ATAD2: variants seen among roughly 807,000 people sequenced by gnomAD.
The protein encoded by ATAD2 is ATPase family AAA domain containing 2.
A neutral mutation model predicts 168.9 loss-of-function variants in ATAD2; 62 were observed. The ratio of observed to expected loss-of-function variants is 0.37; its 90% CI spans 0.30 to 0.45. The LOEUF is 0.45. Among genes scored for constraint, ATAD2 ranks in the 20% least tolerant of loss-of-function variants. The pLI is 1.00. For synonymous variants in ATAD2, 613 were observed against 571.6 expected, an observed-to-expected ratio of 1.07 and a Z score of -1.03; for missense variants, 1,419 against 1,667.8, an observed-to-expected ratio of 0.85 and a Z score of 2.60.
In ATAD2 at chr8:123,337,691, A is replaced by G. The variant is rs771739667; in HGVS notation, c.2985T>C (p.Asn995=). The G allele has an allele frequency of 4.3e-6, 7 of 1,613,824 alleles. No individual in the cohort carries two copies. The Admixed American group carries it at 1.2e-4, about 27-fold the overall frequency. Residue 995 remains asparagine (N), a synonymous_variant, in exon 21 of 28, where the codon AAT becomes AAC. Transcript: ENST00000287394. ...TGTCAATAGCAAGCCTATGTGTAAC[A>G]TTTCTTAAGAAAATCCTCAGTTCTC... The part of the protein sequence containing the change: ...TFRELRIFLR[N]VTHRLAIDKR...
intron 1 of ATAD2, among the ~76,000 whole-genome samples, chr8:123,384,686 C>A (rs1829595038): frequency 6.6e-6 from 1 of 152,214 alleles, no homozygotes; most frequent in African/African-American, 2.4e-5. Context: ...TCCACAGACA[C>A]ATGAACTAAT....
intron 24 of ATAD2, among the ~76,000 whole-genome samples, chr8:123,329,977 G>GTTTTTTTTTTT (rs1827730177): frequency 1.0e-5 from 1 of 100,238 alleles, no homozygotes; most frequent in African/African-American, 3.9e-5. Context: ...CTCCCCAGTG[G>GTTTTTTTTTTT]CTTCTTTTTT....
chr8:123,347,222 C>G lies in ATAD2; in HGVS notation c.2082G>C (p.Val694=). ...TGGACAGTGCCTGCCCAGGTGATGT[C>G]ACAGCTCTTTGGGAGGCTGGTATCA... ...QKMIPASQRA[V]TSPGQALSTV... Residue 694 remains valine, a synonymous_variant, in exon 16 of 28, where the codon GTG becomes GTC. Transcript: ENST00000287394. The G allele has an allele frequency of 1.7e-5, 28 of 1,614,148 alleles. No individual in the cohort carries two copies. Among genetic ancestry groups the G allele is most frequent in the Non-Finnish European group, 2.4e-5 (28 of 1,180,030 alleles).
Position 123,339,460 on chromosome 8 carries a change from A to G in ATAD2, c.2719-14T>C, listed in dbSNP as rs1319329528. The G allele has an allele frequency of 1.9e-6, 3 of 1,554,358 alleles. No homozygotes were observed. In the African/African-American group the frequency reaches 4.1e-5, roughly 21 times the overall value. ...CAATTCTTGCACCTTAAAAAAGAAA[A>G]TAAATGCAATATATATCATATATAC... On this transcript the variant is annotated splice_polypyrimidine_tract_variant and intron_variant, in intron 19 of 27. Coordinates refer to ENST00000287394, the MANE Select transcript of ATAD2 (RefSeq NM_014109.4).
Position 123,357,442 on chromosome 8 carries a change from A to C in ATAD2, c.1557+120T>G, listed in dbSNP as rs1211526009. 2.6e-5 allele frequency: 25 copies of C among 978,584 alleles called. No homozygotes were observed. In the East Asian group the frequency reaches 7.4e-4, roughly 29 times the overall value. 60.6% of individuals were successfully genotyped at this position (978,584 alleles called of 1,614,324 possible). ...TATAAAAGAAAATAATCTAGAAAGA[A>C]ATAGTCTAATTCTTCTGGGTTTATT... On this transcript the variant is annotated intron_variant, in intron 12 of 27. Transcript: ENST00000287394.
In ATAD2 at chr8:123,346,688, A is replaced by G. The variant is rs550627873; in HGVS notation, c.2275T>C (p.Tyr759His). The G allele has an allele frequency of 3.1e-6, 5 of 1,596,154 alleles. No homozygotes were observed. In the Admixed American group the frequency reaches 8.7e-5, roughly 28 times the overall value. ...GATTTCTGAGAAAGTCCATTTTCAT[A>G]AACTGATGGAACATCATCATCACTG... is the stretch of plus-strand genomic sequence containing the variant. ...AYSDDDVPSVYENGLSQKSSH... is the reference protein window; with the variant it reads ...AYSDDDVPSVHENGLSQKSSH... The change falls in exon 17 of 28, where the codon TAT becomes CAT. Residue 759 changes from tyrosine (Y) to histidine (H), a missense_variant. Tyr to His is a moderately conservative substitution (Grantham distance 83). Transcript: ENST00000287394.
upstream of ATAD2, among the ~76,000 whole-genome samples, chr8:123,398,671 C>G (rs1222034785): frequency 6.6e-6 from 1 of 151,936 alleles, no homozygotes; most frequent in Non-Finnish European, 1.5e-5. Flanking sequence ...GCCATCACAC[C>G]TGGCTAATTT....
intron 13 of ATAD2, among the ~76,000 whole-genome samples, chr8:123,354,523 T>C (rs1275355499): frequency 4.0e-5 from 6 of 151,880 alleles, no homozygotes; most frequent in South Asian, 2.1e-4. Flanking sequence ...TTGGCCAACA[T>C]GGCGAAACCC....
chr8:123,389,982 ATATT>A (rs1054677722), intron 1 of ATAD2, among the ~76,000 whole-genome samples: 40 of 110,840 alleles, frequency 3.6e-4, no homozygotes, highest in East Asian at 1.1e-3. Flanking sequence ...ATATATATAT[ATATT>A]TTTTTTTTTT....
intron 9 of ATAD2, 125 bp downstream of exon 9, chr8:123,361,414 T>C: frequency 4.8e-6 from 3 of 628,810 alleles, no homozygotes; most frequent in South Asian, 4.0e-5. Flanking sequence ...TTCTAGTTTA[T>C]ACATTAACCT....
At chr8:123,338,942 T>C (rs1827992131) in intron 20 of ATAD2, among the ~76,000 whole-genome samples, 1 of 152,110 alleles carries the variant, frequency 6.6e-6, no homozygotes, top group African/African-American at 2.4e-5. Context: ...AGATGGGGGA[T>C]AGAGATAGAA....
chr8:123,333,533 G>A (rs950973537), intron 24 of ATAD2, among the ~76,000 whole-genome samples: 9 of 151,996 alleles, frequency 5.9e-5, no homozygotes, highest in Non-Finnish European at 1.5e-5. Context: ...AACAAAAATT[G>A]GAATTAGAAG....
chr8:123,328,149 C>A, intron 25 of ATAD2, 41 bp downstream of exon 25: 1 of 1,330,020 alleles, frequency 7.5e-7, no homozygotes, highest in South Asian at 2.4e-5. Flanking sequence ...TTTGAAATAT[C>A]TTTTAAAATC....
rs753495061 is a variant in ATAD2 at position 123,347,349 on chromosome 8, C to T, written c.1955G>A (p.Arg652Gln). 1.2e-5 allele frequency: 19 copies of T among 1,613,554 alleles called. No homozygotes were observed. The highest frequency in any genetic ancestry group is 1.4e-5 in the Non-Finnish European group (17 of 1,179,996). ...ICAEAALCAL[R>Q]RRYPQIYTTS... ...GGTATAGATCTGTGGGTAGCGTCGT[C>T]GTAAAGCACATAAAGCAGCTTCAGC... Residue 652 changes from arginine to glutamine, a missense_variant, in exon 16 of 28, where the codon CGA (arginine) becomes CAA (glutamine). Physicochemically the swap from Arg to Gln is conservative, Grantham distance 43. Around this residue, in one of 5 missense-constraint regions of ATAD2, gnomAD observed 545 missense variants for 724.9 expected, o/e 0.75. Transcript: ENST00000287394.
intron 7 of ATAD2, 56 bp from the exon 8 acceptor site, chr8:123,369,231 A>T: frequency 6.1e-6 from 4 of 657,344 alleles, no homozygotes; most frequent in Non-Finnish European, 2.1e-6. Flanking sequence ...ATGGCATACA[A>T]ATATGTATGA....
Position 123,370,992 on chromosome 8 carries a change from T to C in ATAD2, c.640-2A>G. ...TCTTGTGTACATATTAAGATTGCTCTAAAAATGTTTAAATAAAAGCCATTA... is the reference window on the plus strand; with the variant it reads ...TCTTGTGTACATATTAAGATTGCTCCAAAAATGTTTAAATAAAAGCCATTA... On this transcript the variant is annotated splice_acceptor_variant, in intron 5 of 27. Coordinates refer to ENST00000287394, the MANE Select transcript of ATAD2 (RefSeq NM_014109.4). LOFTEE classifies it high-confidence loss of function. 1 of 1,555,754 alleles carries C rather than the reference T, an allele frequency of 6.4e-7. No individual in the cohort carries two copies. Among genetic ancestry groups the C allele is most frequent in the Non-Finnish European group, 8.7e-7 (1 of 1,146,096 alleles).
intron 26 of ATAD2, among the ~76,000 whole-genome samples, chr8:123,325,287 T>C (rs1827580919): frequency 6.9e-6 from 1 of 145,136 alleles, no homozygotes; most frequent in Non-Finnish European, 1.5e-5. Context: ...CTATTATTTA[T>C]TTATTTATTT....
chr8:123,371,677 T>A lies in ATAD2; in HGVS notation c.529A>T (p.Ile177Leu). Residue 177 changes from isoleucine (I) to leucine (L), a missense_variant, in exon 4 of 28, where the codon ATA becomes TTA. By Grantham distance (5) the Ile-to-Leu change is conservative (BLOSUM62 2). Coordinates refer to ENST00000287394, the MANE Select transcript of ATAD2 (RefSeq NM_014109.4). ...VNQSMLFDKLITNTAEAVLQK... is the reference protein window; with the variant it reads ...VNQSMLFDKLLTNTAEAVLQK... ...TAAGGAATTTTTACTTACTTAGTTA[T>A]AAGTTTGTCAAACAGCATGGACTGG... The A allele has an allele frequency of 6.3e-7, 1 of 1,597,310 alleles. No homozygotes were observed. Among genetic ancestry groups the A allele is most frequent in the Non-Finnish European group, 8.5e-7 (1 of 1,175,860 alleles).
upstream of ATAD2, chr8:123,396,465 G>A: frequency 1.6e-6 from 2 of 1,242,550 alleles, no homozygotes; most frequent in East Asian, 2.8e-5. Context: ...CAAGCTCCGC[G>A]CCAGCGGCCG....
Sources: gnomAD v4.1 joint callset for allele counts (sites outside exome capture counted in the v4.1 genomes callset) on GRCh38, gnomAD v4.1.1 for gene constraint, gnomAD v4.1.1 regional missense constraint, MANE v1.5 for transcripts, NCBI Gene and HGNC (gene_info 2026-07-23, HGNC 2026-07-21) for gene names.